MLIP: variants seen among roughly 807,000 people sequenced by gnomAD.
MLIP encodes the protein muscular LMNA-interacting protein.
A neutral mutation model predicts 84.8 loss-of-function variants in MLIP; 79 were observed. The observed-to-expected ratio is 0.93, with a 90% confidence interval of 0.78 to 1.12. The LOEUF is 1.12. Among genes scored for constraint, MLIP ranks in the 50% most tolerant of loss-of-function variants. MLIP has a pLI of 0.00. For synonymous variants in MLIP, 504 were observed against 463.0 expected (o/e 1.09, Z -1.14); for missense variants, 1,257 against 1,160.6 (o/e 1.08, Z -1.21).
chr6:54,160,688 G>C lies in MLIP; in HGVS notation c.2440-52G>C. On this transcript the variant is annotated intron_variant, in intron 7 of 13. Transcript: ENST00000502396. ...CTTTAGTATGATGCCTCACAGGCTTGTCCTTTTCTTTCCTTTTCTCTTCTT... is the reference window on the plus strand; with the variant it reads ...CTTTAGTATGATGCCTCACAGGCTTCTCCTTTTCTTTCCTTTTCTCTTCTT... The C allele has an allele frequency of 2.0e-6, 3 of 1,510,716 alleles. No homozygotes were observed. The Admixed American group carries it at 5.2e-5, about 26-fold the overall frequency. 93.6% of individuals were successfully genotyped at this position (1,510,716 alleles called of 1,614,324 possible).
chr6:54,054,577 CTAGAT>C (rs745538026), intron 1 of MLIP, among the ~76,000 whole-genome samples: 1 of 152,020 alleles, frequency 6.6e-6, no homozygotes, highest in African/African-American at 2.4e-5. Context: ...ATATTCAGGG[CTAGAT>C]TAAAGATATC....
intron 3 of MLIP, among the ~76,000 whole-genome samples, chr6:54,130,963 A>T (rs1040191981): frequency 1.3e-5 from 2 of 152,190 alleles, no homozygotes; most frequent in Non-Finnish European, 2.9e-5. Context: ...TAGAAGAGTC[A>T]AACTCTGAAA....
Position 54,142,937 on chromosome 6 carries a change from C to G in MLIP, c.2217+4651C>G, listed in dbSNP as rs142458884. ...CAACAACAAAAAAAAAACGCTGAAA[C>G]TAGCCTTATGTGCTTTCTTATTTTG... On this transcript the variant is annotated intron_variant, in intron 4 of 13. Transcript: ENST00000502396. Among the ~76,000 whole-genome samples the G allele has an allele frequency of 2.0e-3, 305 of 152,180 alleles. 1 individual carries two copies. Among genetic ancestry groups the G allele is most frequent in the Non-Finnish European group, 3.9e-3 (264 of 68,008 alleles).
chr6:54,104,896 CT>C (rs1561933509), intron 1 of MLIP, among the ~76,000 whole-genome samples: 1 of 152,048 alleles, frequency 6.6e-6, no homozygotes, highest in Non-Finnish European at 1.5e-5. Context: ...CTAAACACAG[CT>C]TAAAAGGCCT....
intron 11 of MLIP, among the ~76,000 whole-genome samples, chr6:54,205,432 G>A (rs1207698711): frequency 1.3e-5 from 2 of 152,202 alleles, no homozygotes; most frequent in East Asian, 1.9e-4. Context: ...ACTGGGGACA[G>A]TTCCACATGA....
intron 5 of MLIP, among the ~76,000 whole-genome samples, chr6:54,149,990 TC>T (rs1222157536): frequency 6.6e-6 from 1 of 152,120 alleles, no homozygotes; most frequent in Non-Finnish European, 1.5e-5. Context: ...ATGCACTAAG[TC>T]CATTTTTTTC....
In MLIP at chr6:54,230,910, G is replaced by A. The variant is rs1301287720; in HGVS notation, c.2915G>A (p.Cys972Tyr). ...NSHTLLSHNA[C>Y]NKLSHPMVAI... is the part of the protein sequence containing the mutation. The stretch of plus-strand genomic sequence containing the variant: ...CACACCCTCCTCAGTCACAACGCAT[G>A]CAACAAGGTGAGAACTCCTCCCCAA... The change falls in exon 12 of 14, where the codon TGC becomes TAC. Residue 972 changes from cysteine (C) to tyrosine (Y), a missense_variant. Physicochemically the swap from Cys to Tyr is radical, Grantham distance 194. Coordinates refer to ENST00000502396, the MANE Select transcript of MLIP (RefSeq NM_001281747.2). 6.2e-7 allele frequency: 1 copy of A among 1,613,746 alleles called. No homozygotes were observed. Among genetic ancestry groups the A allele is most frequent in the Middle Eastern group, 1.6e-4 (1 of 6,080 alleles).
At chr6:54,135,906 C>T (rs1235077168) in intron 3 of MLIP, among the ~76,000 whole-genome samples, 2 of 152,034 alleles carry the variant, frequency 1.3e-5, no homozygotes, top group Non-Finnish European at 2.9e-5. Context: ...TCTTTATTTC[C>T]TCTTTATTTG....
chr6:54,229,428 C>T lies in MLIP; in HGVS notation c.2719-1286C>T, dbSNP rs558885003. Among the ~76,000 whole-genome samples the T allele has an allele frequency of 5.9e-5, 9 of 152,152 alleles. No individual in the cohort carries two copies. The South Asian group carries it at 6.2e-4, about 11-fold the overall frequency. On this transcript the variant is annotated intron_variant, in intron 11 of 13. Coordinates refer to ENST00000502396, the MANE Select transcript of MLIP (RefSeq NM_001281747.2). ...TGTCTAGGTTTATTACATAGGTAAA[C>T]GTGTGCCATAGTGGTTTGCTGCATG...
intron 11 of MLIP, among the ~76,000 whole-genome samples, chr6:54,209,140 G>T (rs1020203043): frequency 2.3e-4 from 35 of 152,270 alleles, no homozygotes; most frequent in African/African-American, 7.7e-4. Flanking sequence ...TAAAATGTGT[G>T]TTATAGACAG....
chr6:54,063,115 A>G (rs914545231), intron 1 of MLIP, among the ~76,000 whole-genome samples: 1 of 151,998 alleles, frequency 6.6e-6, no homozygotes, highest in Non-Finnish European at 1.5e-5. Context: ...CTAAGGCAGG[A>G]GAACTGCTTG....
At chr6:54,251,125 C>T (rs189287881) in intron 12 of MLIP, among the ~76,000 whole-genome samples, 124 of 151,958 alleles carry the variant, frequency 8.2e-4, no homozygotes, top group African/African-American at 2.9e-3. Flanking sequence ...TCCAGTGTAT[C>T]TGAATTGATT....
At chr6:54,167,982 G>A (rs963991897) in intron 8 of MLIP, among the ~76,000 whole-genome samples, 1 of 151,818 alleles carries the variant, frequency 6.6e-6, no homozygotes, top group Non-Finnish European at 1.5e-5. Context: ...CAGGGCAAAA[G>A]CAGTTCTGAA....
At chr6:54,141,312 C>CTTTTT (rs376576497) in intron 4 of MLIP, among the ~76,000 whole-genome samples, 3 of 128,422 alleles carry the variant, frequency 2.3e-5, no homozygotes, top group Admixed American at 1.6e-4. Context: ...CTCAGCCTGC[C>CTTTTT]TTTTTTTTTT....
chr6:54,079,910 A>T (rs1405216137), intron 1 of MLIP, among the ~76,000 whole-genome samples: 2 of 152,096 alleles, frequency 1.3e-5, no homozygotes, highest in Non-Finnish European at 2.9e-5. Context: ...CTACCGCTCC[A>T]CAAAACTGTC....
At position 54,137,153 on chromosome 6, in the gene MLIP, T is replaced by C; in HGVS notation, c.1084T>C (p.Ser362Pro). The C allele has an allele frequency of 6.5e-7, 1 of 1,536,104 alleles. No homozygotes were observed. Among genetic ancestry groups the C allele is most frequent in the South Asian group, 1.2e-5 (1 of 84,054 alleles). ...TGCTTCTCTGAAGTCGAATTCGGCC[T>C]CGTACATACCAGTCCGCATTGTCAC... ...SSASLKSNSA[S>P]YIPVRIVTHS... Residue 362 changes from serine to proline, a missense_variant, in exon 4 of 14, where the codon TCG (serine) becomes CCG (proline). Coordinates refer to ENST00000502396, the MANE Select transcript of MLIP (RefSeq NM_001281747.2).
At chr6:54,069,342 CAAAT>C (rs1766357200) in intron 1 of MLIP, among the ~76,000 whole-genome samples, 1 of 101,076 alleles carries the variant, frequency 9.9e-6, no homozygotes, top group African/African-American at 2.5e-5. Flanking sequence ...GTACAGGTAA[CAAAT>C]AAAACAAATA....
At chr6:54,246,086 A>G (rs958552855) in intron 12 of MLIP, among the ~76,000 whole-genome samples, 1 of 152,186 alleles carries the variant, frequency 6.6e-6, no homozygotes, top group African/African-American at 2.4e-5. Context: ...CATATAAGCC[A>G]TATGTTCCAT....
intron 12 of MLIP, among the ~76,000 whole-genome samples, chr6:54,248,856 G>A (rs1782263203): frequency 6.6e-6 from 1 of 151,950 alleles, no homozygotes; most frequent in Non-Finnish European, 1.5e-5. Context: ...TGTTTGGTGG[G>A]CTTACGAAAC....
Sources: gnomAD v4.1 joint callset for allele counts (sites outside exome capture counted in the v4.1 genomes callset) on GRCh38, gnomAD v4.1.1 for gene constraint, MANE v1.5 for transcripts, NCBI Gene and HGNC (gene_info 2026-07-23, HGNC 2026-07-21) for gene names.